Variants in SGPP2 observed in about 807,000 individuals in gnomAD.
SGPP2 encodes the protein sphingosine 1-phosphate phosphohydrolase 2.
SGPP2 carries 30 observed loss-of-function variants against 33.9 expected under a neutral mutation model. The ratio of observed to expected loss-of-function variants is 0.89; its 90% CI spans 0.66 to 1.20. SGPP2 has a LOEUF of 1.20. Ranked by LOEUF, SGPP2 falls within the 50% of genes most tolerant of loss-of-function variation. SGPP2 has a pLI of 0.00. For missense variants in SGPP2, 458 were observed against 532.1 expected (o/e 0.86, Z 1.37); for synonymous variants, 233 against 225.0 (o/e 1.04, Z -0.32).
intron 2 of SGPP2, among the ~76,000 whole-genome samples, chr2:222,505,616 A>G (rs1698432109): frequency 6.6e-6 from 1 of 152,110 alleles, no homozygotes. Context: ...CATAAAATAT[A>G]CATGAATCTA....
chr2:222,488,288 C>A lies in SGPP2; in HGVS notation c.378+13562C>A, dbSNP rs147239692. 4.8e-3 allele frequency among the ~76,000 whole-genome samples: 727 copies of A among 152,284 alleles called. 5 individuals are homozygous for A. Among genetic ancestry groups the A allele is most frequent in the African/African-American group, 0.016 (678 of 41,558 alleles). On this transcript the variant is annotated intron_variant, in intron 2 of 4. Coordinates refer to ENST00000321276, the MANE Select transcript of SGPP2 (RefSeq NM_152386.4). ...GACTGGTACTGTAGCCTGTTAGGAACCAGGTCACACAGCAGGAGGTGAGCA... is the reference window on the plus strand; with the variant it reads ...GACTGGTACTGTAGCCTGTTAGGAAACAGGTCACACAGCAGGAGGTGAGCA...
At chr2:222,551,135 T>G (rs1455704308) in intron 4 of SGPP2, among the ~76,000 whole-genome samples, 1 of 152,108 alleles carries the variant, frequency 6.6e-6, no homozygotes, top group Non-Finnish European at 1.5e-5. Context: ...TTCCATATAT[T>G]TCTTATGTTC....
rs982130976 is a variant in SGPP2 at position 222,561,598 on chromosome 2, T to C, written c.*2700T>C. Reference sequence around the variant, plus strand: ...TGTCTCTAGTTTTAAGTCCCAACAATAGGAAGGCCGATCAGCTATATTGAT... The same window carrying C: ...TGTCTCTAGTTTTAAGTCCCAACAACAGGAAGGCCGATCAGCTATATTGAT... On this transcript the variant is annotated 3_prime_UTR_variant, in exon 5 of 5. Transcript: ENST00000321276. Among the ~76,000 whole-genome samples the C allele has an allele frequency of 6.6e-6, 1 of 151,120 alleles. No individual in the cohort carries two copies.
intron 2 of SGPP2, 88 bp downstream of exon 2, chr2:222,474,814 C>CT (rs3075931): frequency 3.6e-3 from 2,857 of 788,152 alleles, no homozygotes; most frequent in South Asian, 4.3e-3. Flanking sequence ...TATGTTCTTT[C>CT]TTTTTTTTTT....
At position 222,477,880 on chromosome 2, in the gene SGPP2, GC is replaced by G. The variant is rs1210867271; in HGVS notation, c.378+3155del. The stretch of plus-strand genomic sequence containing the variant: ...GTGCTTGTCTGAGGCAAAATGACAA[GC>G]TTTTGTCATAGAGTGAGGCAAATAA... On this transcript the variant is annotated intron_variant, in intron 2 of 4. Coordinates refer to ENST00000321276, the MANE Select transcript of SGPP2 (RefSeq NM_152386.4). This position sits in a 1 kb window ranked among gnomAD's most constrained non-coding sequence, Gnocchi z 6.0. 6.6e-6 allele frequency among the ~76,000 whole-genome samples: 1 copy of G among 152,110 alleles called. No individual in the cohort carries two copies. The highest frequency in any genetic ancestry group is 1.5e-5 in the Non-Finnish European group (1 of 68,004).
intron 3 of SGPP2, among the ~76,000 whole-genome samples, chr2:222,522,986 C>A (rs765759071): frequency 2.0e-5 from 3 of 152,256 alleles, no homozygotes; most frequent in Non-Finnish European, 4.4e-5. Context: ...CCCAGCCCCA[C>A]TGGAAGTTTT....
chr2:222,516,377 A>G (rs1698603289), intron 2 of SGPP2, among the ~76,000 whole-genome samples: 1 of 152,204 alleles, frequency 6.6e-6, no homozygotes, highest in South Asian at 2.1e-4. Context: ...TTTGTTGCTG[A>G]GTAGTATTCA....
At chr2:222,491,338 A>C (rs781237248) in intron 2 of SGPP2, among the ~76,000 whole-genome samples, 1 of 152,012 alleles carries the variant, frequency 6.6e-6, no homozygotes, top group Non-Finnish European at 1.5e-5. Context: ...GTCTGTTTTC[A>C]CACTGCTGTA....
At chr2:222,501,641 C>G (rs1264854298) in intron 2 of SGPP2, among the ~76,000 whole-genome samples, 1 of 152,214 alleles carries the variant, frequency 6.6e-6, no homozygotes, top group South Asian at 2.1e-4. Context: ...TAAACAGACA[C>G]TGCCATAGAA....
chr2:222,518,177 A>G (rs1294295635), intron 2 of SGPP2, among the ~76,000 whole-genome samples: 6 of 152,348 alleles, frequency 3.9e-5, no homozygotes, highest in African/African-American at 1.4e-4. Flanking sequence ...AGCTGTGATC[A>G]CAGTCATTGT....
At chr2:222,505,458 A>C (rs1232527395) in intron 2 of SGPP2, among the ~76,000 whole-genome samples, 1 of 152,238 alleles carries the variant, frequency 6.6e-6, no homozygotes, top group African/African-American at 2.4e-5. Context: ...AAAAATAAAT[A>C]TATTGAAAAC....
intron 2 of SGPP2, among the ~76,000 whole-genome samples, chr2:222,501,737 C>T (rs1363052640): frequency 6.6e-6 from 1 of 152,150 alleles, no homozygotes; most frequent in African/African-American, 2.4e-5. Flanking sequence ...ATCTCTACCC[C>T]AAGATATACT....
chr2:222,438,120 C>T (rs961212604), intron 1 of SGPP2, among the ~76,000 whole-genome samples: 2 of 152,194 alleles, frequency 1.3e-5, no homozygotes, highest in Non-Finnish European at 2.9e-5. Flanking sequence ...CCTCCAAAAT[C>T]CAAATAGGCC....
rs368142826 is a variant in SGPP2, at chr2:222,477,123, ATG to A, written c.378+2405_378+2406del. Among the ~76,000 whole-genome samples, 886 of 148,882 alleles carry A rather than the reference ATG, an allele frequency of 6.0e-3. 8 individuals are homozygous for A. Among genetic ancestry groups the A allele is most frequent in the Middle Eastern group, 0.014 (4 of 276 alleles). On this transcript the variant is annotated intron_variant, in intron 2 of 4. Coordinates refer to ENST00000321276, the MANE Select transcript of SGPP2 (RefSeq NM_152386.4). The surrounding 1 kb of genome is among the most constrained non-coding windows in gnomAD (Gnocchi z 6.0). ...TGTATATAGGTGTGTATATATGTGT[ATG>A]TGTGTGTATATAGGTGTGTATATAT...
chr2:222,424,751 A>T lies in SGPP2; in HGVS notation c.149A>T (p.His50Leu), dbSNP rs1341661986. ...ERAARVPGVE[H>L]LPAANGKGGE... The stretch of plus-strand genomic sequence containing the variant: ...GCGGCGCGGGTCCCCGGGGTCGAGC[A>T]TCTCCCCGCAGCCAACGGCAAGGGC... The change falls in exon 1 of 5, where the codon CAT becomes CTT. Residue 50 changes from histidine to leucine, a missense_variant. His to Leu is a moderately conservative substitution (Grantham distance 99). Transcript: ENST00000321276. 1 of 1,416,860 alleles carries T rather than the reference A, an allele frequency of 7.1e-7. No individual in the cohort carries two copies. Among genetic ancestry groups the T allele is most frequent in the African/African-American group, 1.5e-5 (1 of 67,008 alleles). The allele number at this position is 1,416,860 out of a possible 1,614,324, so 87.8% of individuals were successfully genotyped here. A position where few individuals can be genotyped will look rare whatever the true frequency, so the allele number is the denominator to read the frequency against.
chr2:222,523,884 T>G (rs1698720139), intron 3 of SGPP2, among the ~76,000 whole-genome samples: 1 of 152,180 alleles, frequency 6.6e-6, no homozygotes, highest in African/African-American at 2.4e-5. Context: ...ATCTGAGACT[T>G]AGTTAATGAT....
intron 1 of SGPP2, among the ~76,000 whole-genome samples, chr2:222,464,069 C>T (rs904839932): frequency 2.6e-5 from 4 of 152,132 alleles, no homozygotes; most frequent in African/African-American, 4.8e-5. Context: ...AGTATCATTT[C>T]GATAAGTTAA....
chr2:222,507,563 G>C (rs1167763676), intron 2 of SGPP2, among the ~76,000 whole-genome samples: 1 of 152,112 alleles, frequency 6.6e-6, no homozygotes, highest in Non-Finnish European at 1.5e-5. Flanking sequence ...GCAATGTGAG[G>C]GAGGAATCTA....
intron 1 of SGPP2, among the ~76,000 whole-genome samples, chr2:222,454,244 C>G (rs1342635663): frequency 2.0e-5 from 3 of 152,134 alleles, no homozygotes; most frequent in African/African-American, 7.2e-5. Context: ...TGGTGTTTAT[C>G]TTTCTCAAAA....
Sources: gnomAD v4.1 joint callset for allele counts (sites outside exome capture counted in the v4.1 genomes callset) on GRCh38, gnomAD v4.1.1 for gene constraint, Gnocchi (gnomAD v3.1) non-coding constraint, MANE v1.5 for transcripts, NCBI Gene and HGNC (gene_info 2026-07-23, HGNC 2026-07-21) for gene names.